Variants in ZNF726 observed in about 807,000 individuals in gnomAD.
The protein encoded by ZNF726 is zinc finger protein 726.
ZNF726 carries 15 observed loss-of-function variants against 11.6 expected under a neutral mutation model. The observed-to-expected ratio is 1.29, with a 90% CI of 0.86 to 1.99. The LOEUF is 1.99. Ranked by LOEUF, ZNF726 falls within the 30% of genes most tolerant of loss-of-function variation. The probability of loss-of-function intolerance (pLI) is 0.00; values close to 1 mark genes in which losing one functional copy is unlikely to be tolerated. For missense variants in ZNF726, 890 were observed against 725.6 expected (o/e 1.23, Z -2.60); for synonymous variants, 295 against 243.6 (o/e 1.21, Z -1.96).
At position 23,920,019 on chromosome 19, in the gene ZNF726, T is replaced by C. The variant is rs532543809; in HGVS notation, c.163T>C (p.Cys55Arg). ...TGTCTCTAAGCCAGACCTCATCATC[T>C]GTCTGGAGAAAGAAAAAGAGCCCTG... Reference protein sequence around the residue: ...IAVSKPDLIICLEKEKEPWNM... With the variant: ...IAVSKPDLIIRLEKEKEPWNM... Residue 55 changes from cysteine to arginine, a missense_variant, in exon 3 of 4, where the codon TGT (cysteine) becomes CGT (arginine). Physicochemically the swap from Cys to Arg is radical, Grantham distance 180. Coordinates refer to ENST00000594466, the MANE Select transcript of ZNF726 (RefSeq NM_001244038.2). The C allele has an allele frequency of 1.6e-5, 25 of 1,588,414 alleles. No homozygotes were observed. The South Asian group carries it at 2.5e-4, about 16-fold the overall frequency.
chr19:23,940,066 T>C (rs1211155339), intron 3 of ZNF726, among the ~76,000 whole-genome samples: 1 of 152,042 alleles, frequency 6.6e-6, no homozygotes, highest in African/African-American at 2.4e-5. Context: ...TTACTGCGTT[T>C]GCTTTTGGTC....
chr19:23,923,247 A>C (rs773047314), intron 3 of ZNF726, among the ~76,000 whole-genome samples: 10 of 152,142 alleles, frequency 6.6e-5, no homozygotes, highest in Admixed American at 6.5e-4. Context: ...CTTGGATTAC[A>C]GTAGTTTTAT....
intron 3 of ZNF726, among the ~76,000 whole-genome samples, chr19:23,931,907 T>C (rs145237118): frequency 2.0e-5 from 3 of 152,288 alleles, no homozygotes; most frequent in Non-Finnish European, 4.4e-5. Flanking sequence ...CTTTATGTCA[T>C]GAGAGACAGA....
At chr19:23,935,395 G>T, downstream of ZNF726, 1 of 524,278 alleles carries the variant, frequency 1.9e-6, no homozygotes, top group East Asian at 5.4e-5. Flanking sequence ...GAAAAAATTG[G>T]CAAAGCCTTT....
At chr19:23,917,481 CAAAGAAAA>C (rs1967729686) in intron 1 of ZNF726, among the ~76,000 whole-genome samples, 1 of 128,626 alleles carries the variant, frequency 7.8e-6, no homozygotes, top group Non-Finnish European at 1.6e-5. Flanking sequence ...TGGTAGCTAC[CAAAGAAAA>C]AAAGAAAAAA....
downstream of ZNF726, among the ~76,000 whole-genome samples, chr19:23,936,376 C>A (rs757458237): frequency 6.6e-6 from 1 of 152,018 alleles, no homozygotes; most frequent in Non-Finnish European, 1.5e-5. Flanking sequence ...GTTATAATTA[C>A]AATCAAAGTA....
intron 3 of ZNF726, among the ~76,000 whole-genome samples, chr19:23,927,283 A>G (rs1171610208): frequency 1.3e-5 from 2 of 152,300 alleles, no homozygotes; most frequent in South Asian, 2.1e-4. Context: ...ATTATATTAA[A>G]TATGTCTACC....
intron 3 of ZNF726, chr19:23,928,972 G>A (rs1246947047): frequency 2.6e-5 from 4 of 151,812 alleles, no homozygotes; most frequent in East Asian, 3.9e-4. Context: ...AGTTTTTTTT[G>A]TATTTATGGT....
intron 3 of ZNF726, among the ~76,000 whole-genome samples, chr19:23,942,347 T>A (rs941827308): frequency 1.3e-5 from 2 of 152,232 alleles, no homozygotes; most frequent in African/African-American, 2.4e-5. Context: ...TTCAATTTTC[T>A]TAAATTTATT....
chr19:23,936,390 CT>C (rs551507692), downstream of ZNF726, among the ~76,000 whole-genome samples: 13 of 152,006 alleles, frequency 8.6e-5, no homozygotes, highest in East Asian at 3.9e-4. Context: ...CAAAGTATAA[CT>C]TTTTTTTGAA....
intron 3 of ZNF726, chr19:23,928,752 C>A (rs1454448071): frequency 6.6e-6 from 1 of 152,042 alleles, no homozygotes; most frequent in Non-Finnish European, 1.5e-5. Context: ...TTTCTTAAGC[C>A]ACTAAAGCAT....
downstream of ZNF726, among the ~76,000 whole-genome samples, chr19:23,934,979 C>G (rs1968203315): frequency 6.6e-6 from 1 of 152,218 alleles, no homozygotes; most frequent in Non-Finnish European, 1.5e-5. Context: ...CAAGAAATGA[C>G]TCTCTAATGG....
intron 4 of ZNF726, chr19:23,943,599 C>T: frequency 1.6e-6 from 1 of 614,912 alleles, no homozygotes; most frequent in Non-Finnish European, 3.0e-6. Flanking sequence ...GGTAGGTAAG[C>T]ATGAATGAAG....
At chr19:23,915,327 G>A (rs952158551) in intron 1 of ZNF726, among the ~76,000 whole-genome samples, 8 of 152,114 alleles carry the variant, frequency 5.3e-5, no homozygotes, top group Admixed American at 1.3e-4. Context: ...CTCCGGGTGC[G>A]GGCTCATGAA....
In ZNF726 at chr19:23,932,653, C is replaced by T. The variant is rs754041286; in HGVS notation, c.537C>T (p.Val179=). 6.4e-7 allele frequency: 1 copy of T among 1,573,296 alleles called. No individual in the cohort carries two copies. The highest frequency in any genetic ancestry group is 1.2e-5 in the South Asian group (1 of 84,720). Residue 179 remains valine (V), a synonymous_variant, in exon 4 of 4, where the codon GTC becomes GTT. Transcript: ENST00000594466. ...RKKPFKCKNC[V]KSFCMFSHKT... ...AACCTTTCAAATGTAAAAATTGTGT[C>T]AAATCATTTTGCATGTTTTCACACA...
intron 3 of ZNF726, chr19:23,927,735 GTC>G (rs1460424751): frequency 3.3e-5 from 5 of 152,134 alleles, no homozygotes; most frequent in Non-Finnish European, 7.3e-5. Flanking sequence ...TCCCACCTTG[GTC>G]TCTCTAAGTG....
At chr19:23,931,186 A>T (rs1968096277) in intron 3 of ZNF726, among the ~76,000 whole-genome samples, 1 of 152,136 alleles carries the variant, frequency 6.6e-6, no homozygotes, top group African/African-American at 2.4e-5. Flanking sequence ...GTTAGCCAGG[A>T]TGGTCTTGAT....
chr19:23,941,029 G>A (rs975591527), intron 3 of ZNF726, among the ~76,000 whole-genome samples: 1 of 152,158 alleles, frequency 6.6e-6, no homozygotes, highest in African/African-American at 2.4e-5. Context: ...GAAGTGGAGT[G>A]TTGAGAATGG....
downstream of ZNF726, among the ~76,000 whole-genome samples, chr19:23,938,278 G>T (rs1006833958): frequency 6.6e-6 from 1 of 152,012 alleles, no homozygotes; most frequent in East Asian, 1.9e-4. Flanking sequence ...TTTGATACAG[G>T]CATGTGATAT....
Sources: allele counts gnomAD v4.1 joint callset (sites outside exome capture counted in the v4.1 genomes callset), GRCh38; gene constraint gnomAD v4.1.1; transcripts MANE v1.5; gene names NCBI Gene and HGNC (gene_info 2026-07-23, HGNC 2026-07-21).